Variants in CEP120 observed in about 807,000 individuals in gnomAD.
CEP120 encodes centrosomal protein of 120 kDa.
CEP120 carries 113 observed loss-of-function variants against 126.5 expected under a neutral mutation model. That is an observed-to-expected ratio of 0.89 (90% CI 0.77 to 1.04). The LOEUF (loss-of-function observed/expected upper bound fraction) is 1.04, where lower values mean the gene tolerates loss of function less well. Ranked by LOEUF, CEP120 falls within the 50% of genes least tolerant of loss-of-function variation. CEP120 has a pLI of 0.00. For missense variants in CEP120, 1,230 were observed against 1,155.7 expected, an observed-to-expected ratio of 1.06 and a Z score of -0.93; for synonymous variants, 400 against 394.3, an observed-to-expected ratio of 1.01 and a Z score of -0.17.
chr5:123,401,787 C>G (rs552896661), intron 4 of CEP120: 30 of 1,270,646 alleles, frequency 2.4e-5, no homozygotes, highest in Non-Finnish European at 3.1e-5. Context: ...CATCTCTGCA[C>G]GCTTATTGAT....
chr5:123,376,500 G>A (rs560618273), intron 16 of CEP120, among the ~76,000 whole-genome samples: 18 of 152,172 alleles, frequency 1.2e-4, no homozygotes, highest in African/African-American at 4.1e-4. Flanking sequence ...TTTCCTATGA[G>A]CAACAAGACA....
At chr5:123,371,990 A>G (rs1252610261) in intron 17 of CEP120, among the ~76,000 whole-genome samples, 1 of 152,116 alleles carries the variant, frequency 6.6e-6, no homozygotes, top group Non-Finnish European at 1.5e-5. Flanking sequence ...AAACTTGTCT[A>G]TTGGACATTA....
intron 2 of CEP120, among the ~76,000 whole-genome samples, chr5:123,417,754 T>C (rs564425601): frequency 2.6e-5 from 4 of 151,380 alleles, no homozygotes; most frequent in African/African-American, 9.7e-5. Context: ...AAGTGTAGTG[T>C]AAAAGCTTAG....
Position 123,393,327 on chromosome 5 carries a change from A to C in CEP120, c.783T>G (p.Val261=). Residue 261 remains valine, a synonymous_variant, in exon 6 of 20, where the codon GTT becomes GTG. Coordinates refer to ENST00000306467, the MANE Select transcript of CEP120 (RefSeq NM_001375405.1). ...RIRSSVEILR[V]YLALQSKLQI... ...GCAGTTTAGACTGAAGAGCCAGGTA[A>C]ACACGAAGAATTTCTACACTGCTAC... 2 of 1,614,158 alleles carry C rather than the reference A, an allele frequency of 1.2e-6. No homozygotes were observed.
At chr5:123,387,788 C>G (rs150591699) in intron 9 of CEP120, among the ~76,000 whole-genome samples, 1,770 of 151,894 alleles carry the variant, frequency 0.012, 20 homozygotes, top group Middle Eastern at 0.031. Context: ...ATATCTCGGG[C>G]ACAAAAGACT....
chr5:123,382,390 GA>G (rs1771711106), intron 13 of CEP120, among the ~76,000 whole-genome samples, 190 bp from the exon 14 acceptor site: 1 of 150,976 alleles, frequency 6.6e-6, no homozygotes, highest in Non-Finnish European at 1.5e-5. Context: ...TTCACTTCAG[GA>G]AACTATAAAA....
intron 18 of CEP120, among the ~76,000 whole-genome samples, chr5:123,363,549 C>T (rs1296301487): frequency 6.6e-6 from 1 of 151,470 alleles, no homozygotes; most frequent in Non-Finnish European, 1.5e-5. Flanking sequence ...TCACATGGTA[C>T]ATTATTTTAT....
intron 16 of CEP120, among the ~76,000 whole-genome samples, chr5:123,373,903 G>A (rs997848290): frequency 2.0e-5 from 3 of 151,902 alleles, no homozygotes; most frequent in African/African-American, 7.3e-5. Flanking sequence ...GTTACAACCT[G>A]GATCTCAATT....
At chr5:123,407,051 T>C (rs919988513) in intron 4 of CEP120, among the ~76,000 whole-genome samples, 2 of 150,640 alleles carry the variant, frequency 1.3e-5, no homozygotes, top group African/African-American at 2.4e-5. Flanking sequence ...CAGTATACTG[T>C]TATTTGAAAT....
chr5:123,415,739 T>G (rs532234160), intron 3 of CEP120, among the ~76,000 whole-genome samples: 37 of 152,206 alleles, frequency 2.4e-4, no homozygotes, highest in African/African-American at 8.7e-4. Context: ...GGCGTGGTGG[T>G]GAGTGCCTGT....
At chr5:123,355,395 C>T (rs1357284722) in intron 18 of CEP120, among the ~76,000 whole-genome samples, 1 of 152,174 alleles carries the variant, frequency 6.6e-6, no homozygotes, top group East Asian at 1.9e-4. Context: ...AGTTTACAGT[C>T]CCACCAACAG....
In CEP120 at chr5:123,346,409, T is replaced by TA. The variant is rs760566158; in HGVS notation, c.*109dup. The TA allele has an allele frequency of 4.9e-5, 39 of 797,936 alleles. 1 individual carries two copies. The highest frequency in any genetic ancestry group is 1.6e-4 in the Admixed American group (5 of 31,394). 49.4% of individuals were successfully genotyped at this position (797,936 alleles called of 1,614,324 possible). A position where few individuals can be genotyped will look rare whatever the true frequency, so the allele number is the denominator to read the frequency against. ...ACAATAACATACAAAATTTTGCTTA[T>TA]AAAAAATTGAAAATACCATTTTAAA... On this transcript the variant is annotated 3_prime_UTR_variant, in exon 20 of 20. Coordinates refer to ENST00000306467, the MANE Select transcript of CEP120 (RefSeq NM_001375405.1).
intron 8 of CEP120, among the ~76,000 whole-genome samples, chr5:123,389,025 T>TAAAAAGCTA (rs1772213211): frequency 6.6e-6 from 1 of 152,174 alleles, no homozygotes; most frequent in Admixed American, 6.5e-5. Context: ...AACAGAAAGC[T>TAAAAAGCTA]AAAACTTAAA....
chr5:123,414,090 G>A (rs967940717), intron 3 of CEP120, among the ~76,000 whole-genome samples: 1 of 152,176 alleles, frequency 6.6e-6, no homozygotes, highest in East Asian at 1.9e-4. Flanking sequence ...TTGACAAACT[G>A]TTCTCAAGGA....
chr5:123,400,401 C>T (rs1001869443), intron 4 of CEP120, among the ~76,000 whole-genome samples: 6 of 151,922 alleles, frequency 3.9e-5, no homozygotes, highest in Admixed American at 6.6e-5. Flanking sequence ...TAAAGGCAGC[C>T]GTCATACAAT....
chr5:123,369,508 C>T (rs1770701392), intron 17 of CEP120, among the ~76,000 whole-genome samples: 1 of 152,002 alleles, frequency 6.6e-6, no homozygotes, highest in Non-Finnish European at 1.5e-5. Context: ...CTTTGAACCT[C>T]ATCTTGTACA....
chr5:123,423,087 C>G lies in CEP120; in HGVS notation c.-89G>C. 9.0e-7 allele frequency: 1 copy of G among 1,109,878 alleles called. No homozygotes were observed. The highest frequency in any genetic ancestry group is 1.4e-6 in the Non-Finnish European group (1 of 731,604). The allele number at this position is 1,109,878 out of a possible 1,614,324, so 68.8% of individuals were successfully genotyped here. On this transcript the variant is annotated 5_prime_UTR_variant, in exon 1 of 20. Coordinates refer to ENST00000306467, the MANE Select transcript of CEP120 (RefSeq NM_001375405.1). ...GGTAATCCGGGACCCCCGGCGGGACCCCCACTGCCCGCCCCCGGTCCCTGA... is the reference window on the plus strand; with the variant it reads ...GGTAATCCGGGACCCCCGGCGGGACGCCCACTGCCCGCCCCCGGTCCCTGA...
chr5:123,415,677 C>A (rs1173173373), intron 3 of CEP120, among the ~76,000 whole-genome samples: 1 of 152,008 alleles, frequency 6.6e-6, no homozygotes, highest in Non-Finnish European at 1.5e-5. Context: ...AGTTTGAAAC[C>A]AGCCTGGCCA....
In CEP120 at chr5:123,385,017, C is replaced by A. The variant is rs761218363; in HGVS notation, c.1697G>T (p.Gly566Val). The A allele has an allele frequency of 1.2e-6, 2 of 1,613,756 alleles. No individual in the cohort carries two copies. The change falls in exon 11 of 20, where the codon GGT (glycine) becomes GTT (valine). Residue 566 changes from glycine (G) to valine (V), a missense_variant. Physicochemically the swap from Gly to Val is moderately radical, Grantham distance 109. Transcript: ENST00000306467. Reference protein sequence around the residue: ...ILSSEKTRFLGSNGEQCWRQT... With the variant: ...ILSSEKTRFLVSNGEQCWRQT... ...ACGCCAACACTGTTCACCATTAGAA[C>A]CTAAAAAACGAGTTTTTTCTGAAGA...
Sources: allele counts gnomAD v4.1 joint callset (sites outside exome capture counted in the v4.1 genomes callset), GRCh38; gene constraint gnomAD v4.1.1; transcripts MANE v1.5; gene names NCBI Gene and HGNC (gene_info 2026-07-23, HGNC 2026-07-21).